The following CR1 variants were observed in gnomAD, a reference collection of about 807,000 sequenced individuals.
CR1 encodes complement receptor type 1.
In CR1, 116 loss-of-function variants were observed where a neutral mutation model predicts 187.3. The observed-to-expected ratio is 0.62, with a 90% CI of 0.53 to 0.72. CR1 has a LOEUF of 0.72. CR1 is among the 30% of genes least tolerant of loss of function. The pLI is 0.00. For missense variants in CR1, 1,731 were observed against 2,110.7 expected (o/e 0.82, Z 3.52); for synonymous variants, 576 against 747.1 (o/e 0.77, Z 3.73).
At chr1:207,504,319 A>T (rs1659362694) in intron 1 of CR1, among the ~76,000 whole-genome samples, 1 of 152,232 alleles carries the variant, frequency 6.6e-6, no homozygotes, top group Admixed American at 6.5e-5. Flanking sequence ...GTAGAATTTT[A>T]GGCAAGATTC....
At chr1:207,589,899 A>T (rs11118133) in intron 35 of CR1, among the ~76,000 whole-genome samples, 33,226 of 152,066 alleles carry the variant, frequency 0.22, 3,842 homozygotes, top group South Asian at 0.44. Context: ...GAAATAAAGC[A>T]TGAAGACAAA....
At chr1:207,614,659 A>T (rs1662043458) in intron 40 of CR1, among the ~76,000 whole-genome samples, 170 bp downstream of exon 40, 1 of 152,158 alleles carries the variant, frequency 6.6e-6, no homozygotes, top group African/African-American at 2.4e-5. Context: ...CTTCTCTGAC[A>T]TGTGTTTTTG....
chr1:207,516,528 T>C (rs1659813050), intron 4 of CR1, among the ~76,000 whole-genome samples: 3 of 152,234 alleles, frequency 2.0e-5, no homozygotes. Flanking sequence ...AATTTCCACA[T>C]AAAGAATCCT....
At chr1:207,515,179 A>G (rs1349600003) in intron 4 of CR1, among the ~76,000 whole-genome samples, 3 of 1,354 alleles carry the variant, frequency 2.2e-3, no homozygotes, top group Non-Finnish European at 3.9e-3. Context: ...AGGTATATAC[A>G]TATATACGTA....
intron 4 of CR1, among the ~76,000 whole-genome samples, chr1:207,520,118 G>T (rs1367699974): frequency 1.3e-5 from 2 of 152,078 alleles, no homozygotes; most frequent in African/African-American, 4.8e-5. Flanking sequence ...TTTTTATGTT[G>T]CCTCAGCATC....
rs1057227449 is a variant in CR1, at chr1:207,639,596, C to T, written c.*187C>T. On this transcript the variant is annotated 3_prime_UTR_variant, in exon 47 of 47. Coordinates refer to ENST00000367049, the MANE Select transcript of CR1 (RefSeq NM_000651.6). ...AGCAAAGCTCCTGCCTCTTTGTGTGCGTCACTGTGAAACCCCCACCCTTCT... is the reference window on the plus strand; with the variant it reads ...AGCAAAGCTCCTGCCTCTTTGTGTGTGTCACTGTGAAACCCCCACCCTTCT... 10 of 576,588 alleles carry T rather than the reference C, an allele frequency of 1.7e-5. No homozygotes were observed. Among genetic ancestry groups the T allele is most frequent in the South Asian group, 4.6e-5 (2 of 43,536 alleles). 35.7% of individuals were successfully genotyped at this position (576,588 alleles called of 1,614,324 possible).
At chr1:207,566,500 C>T (rs1458232553) in intron 24 of CR1, among the ~76,000 whole-genome samples, 2 of 150,056 alleles carry the variant, frequency 1.3e-5, no homozygotes, top group African/African-American at 2.5e-5. Flanking sequence ...TCCCTGTCCC[C>T]ATGTTGTTTC....
intron 4 of CR1, among the ~76,000 whole-genome samples, chr1:207,515,033 A>G (rs1483620301): frequency 1.4e-5 from 2 of 147,894 alleles, no homozygotes; most frequent in African/African-American, 4.9e-5. Flanking sequence ...ACACATATAT[A>G]CATATATACT....
Position 207,609,697 on chromosome 1 carries a change from G to T in CR1, c.6295+9G>T. ...GCCACACTGCTCCAGGGGTGAGTGT[G>T]ACCCATCAAGACTTTGCTGGGTGTG... On this transcript the variant is annotated intron_variant, in intron 37 of 46. Coordinates refer to ENST00000367049, the MANE Select transcript of CR1 (RefSeq NM_000651.6). 1 of 1,546,670 alleles carries T rather than the reference G, an allele frequency of 6.5e-7. No individual in the cohort carries two copies. The highest frequency in any genetic ancestry group is 1.3e-5 in the South Asian group (1 of 78,298).
chr1:207,616,517 G>C, intron 40 of CR1, 58 bp from the exon 41 acceptor site: 1 of 1,567,374 alleles, frequency 6.4e-7, no homozygotes, highest in Non-Finnish European at 8.7e-7. Flanking sequence ...GGTCACTATT[G>C]TTTCAGTCAT....
intron 32 of CR1, among the ~76,000 whole-genome samples, chr1:207,582,226 A>G (rs1305763664): frequency 6.6e-6 from 1 of 152,214 alleles, no homozygotes; most frequent in East Asian, 1.9e-4. Flanking sequence ...AGTCTGTGCT[A>G]TAAATAGAGA....
chr1:207,607,080 C>A (rs761404786), intron 35 of CR1, among the ~76,000 whole-genome samples, 171 bp from the exon 36 acceptor site: 18 of 152,210 alleles, frequency 1.2e-4, no homozygotes, highest in Non-Finnish European at 1.8e-4. Flanking sequence ...TAAGCTTGTC[C>A]TCAAAAAGAA....
At chr1:207,624,631 T>C (rs560853158) in intron 45 of CR1, among the ~76,000 whole-genome samples, 1 of 152,276 alleles carries the variant, frequency 6.6e-6, no homozygotes, top group Admixed American at 6.5e-5. Context: ...TGGTAGATAT[T>C]TAAATTTAAA....
intron 42 of CR1, 135 bp downstream of exon 42, chr1:207,618,382 A>G (rs1253165816): frequency 2.6e-6 from 2 of 773,572 alleles, no homozygotes; most frequent in Non-Finnish European, 4.1e-6. Context: ...CTTTCTTTTC[A>G]TTTACATAAA....
At chr1:207,616,834 G>A (rs760185548) in intron 41 of CR1, 32 bp downstream of exon 41, 3 of 1,605,898 alleles carry the variant, frequency 1.9e-6, no homozygotes, top group South Asian at 1.1e-5. Context: ...TCCTAAATGG[G>A]TTCAGAATAT....
intron 28 of CR1, among the ~76,000 whole-genome samples, chr1:207,576,482 T>C (rs1660748145): frequency 6.6e-6 from 1 of 152,218 alleles, no homozygotes; most frequent in Non-Finnish European, 1.5e-5. Flanking sequence ...TGCTTTGTCT[T>C]TATTAGTTCT....
chr1:207,588,353 T>TAG (rs1229470132), intron 34 of CR1, among the ~76,000 whole-genome samples: 1 of 152,138 alleles, frequency 6.6e-6, no homozygotes, highest in Non-Finnish European at 1.5e-5. Flanking sequence ...TATTTTTTAG[T>TAG]AGAGATGGGG....
intron 5 of CR1, among the ~76,000 whole-genome samples, chr1:207,525,036 C>T (rs1490361921): frequency 9.9e-5 from 15 of 151,992 alleles, no homozygotes; most frequent in Admixed American, 3.9e-4. Flanking sequence ...AGGAAGCACG[C>T]ATATCTTCAT....
chr1:207,623,252 C>T (rs1425626360), intron 45 of CR1, among the ~76,000 whole-genome samples, 184 bp downstream of exon 45: 1 of 145,288 alleles, frequency 6.9e-6, no homozygotes. Context: ...ATATAGGATA[C>T]TAAGAACAAT....
Sources: allele counts gnomAD v4.1 joint callset (sites outside exome capture counted in the v4.1 genomes callset), GRCh38; gene constraint gnomAD v4.1.1; transcripts MANE v1.5; gene names NCBI Gene and HGNC (gene_info 2026-07-23, HGNC 2026-07-21).